The following ECPAS variants were observed in gnomAD, a reference collection of about 807,000 sequenced individuals.
The protein encoded by ECPAS is Ecm29 proteasome adaptor and scaffold.
In ECPAS, 70 loss-of-function variants were observed where a neutral mutation model predicts 255.1. That is an observed-to-expected ratio of 0.27 (90% CI 0.23 to 0.33). The LOEUF (loss-of-function observed/expected upper bound fraction) is 0.33, where lower values mean the gene tolerates loss of function less well. ECPAS is among the 10% of genes least tolerant of loss of function. ECPAS has a pLI of 1.00. For missense variants in ECPAS, 1,817 were observed against 2,206.4 expected (o/e 0.82, Z 3.54); for synonymous variants, 784 against 775.0 (o/e 1.01, Z -0.19).
At chr9:111,436,655 T>C (rs75252245) in intron 7 of ECPAS, among the ~76,000 whole-genome samples, 2,705 of 151,992 alleles carry the variant, frequency 0.018, 44 homozygotes, top group Non-Finnish European at 0.024. Context: ...TAAAAAAAAA[T>C]AAAATGACAA....
At chr9:111,424,624 A>G (rs1350710668) in intron 12 of ECPAS, among the ~76,000 whole-genome samples, 1 of 152,210 alleles carries the variant, frequency 6.6e-6, no homozygotes, top group East Asian at 1.9e-4. Flanking sequence ...CATTTAGCTT[A>G]AGGAATCAAA....
chr9:111,480,422 T>G (rs1333995102), intron 1 of ECPAS, among the ~76,000 whole-genome samples: 1 of 150,624 alleles, frequency 6.6e-6, no homozygotes, highest in African/African-American at 2.4e-5. Context: ...CTCAGCCTCC[T>G]GAGTACCTGG....
At chr9:111,385,865 T>C (rs1286118793) in intron 32 of ECPAS, among the ~76,000 whole-genome samples, 1 of 152,206 alleles carries the variant, frequency 6.6e-6, no homozygotes, top group Non-Finnish European at 1.5e-5. Context: ...ACATAAACTA[T>C]GACAATTTAG....
rs1278908276 is a variant in ECPAS at position 111,391,738 on chromosome 9, T to A, written c.3161+18A>T. On this transcript the variant is annotated intron_variant, in intron 29 of 49. Coordinates refer to ENST00000684092, the MANE Select transcript of ECPAS (RefSeq NM_001364929.1). ...ATATTTAAAGATGTTTACCATTCAA[T>A]GGATTTAGCATACTTACCCATCTGG... 1 of 1,504,770 alleles carries A rather than the reference T, an allele frequency of 6.6e-7. No homozygotes were observed. The highest frequency in any genetic ancestry group is 9.2e-7 in the Non-Finnish European group (1 of 1,084,658). 93.2% of individuals were successfully genotyped at this position (1,504,770 alleles called of 1,614,324 possible).
intron 48 of ECPAS, 112 bp downstream of exon 48, chr9:111,366,127 C>G (rs2098120090): frequency 3.0e-6 from 2 of 676,536 alleles, no homozygotes; most frequent in South Asian, 3.7e-5. Context: ...TAGCAGAGTC[C>G]AGTAGCTATT....
At chr9:111,380,038 G>C (rs117489513) in intron 35 of ECPAS, among the ~76,000 whole-genome samples, 2 of 152,130 alleles carry the variant, frequency 1.3e-5, no homozygotes, top group Non-Finnish European at 2.9e-5. Context: ...ACCTACAATG[G>C]TAAGCCCTTT....
chr9:111,371,677 C>T lies in ECPAS; in HGVS notation c.4681G>A (p.Gly1561Arg), dbSNP rs1367783816. 2.5e-6 allele frequency: 4 copies of T among 1,613,708 alleles called. No homozygotes were observed. Among genetic ancestry groups the T allele is most frequent in the Non-Finnish European group, 1.7e-6 (2 of 1,179,822 alleles). Residue 1561 changes from glycine (G) to arginine (R), a missense_variant, in exon 43 of 50, where the codon GGA (glycine) becomes AGA (arginine). This residue lies in a region of ECPAS where 960 missense variants were observed against 1,179.0 expected (regional missense o/e 0.81). Coordinates refer to ENST00000684092, the MANE Select transcript of ECPAS (RefSeq NM_001364929.1). ...QTSSLVPPYL[G>R]MILTALLQGL... The stretch of plus-strand genomic sequence containing the variant: ...TGCAGCAATGCGGTCAGTATCATTC[C>T]GAGATATGGAGGTACTAGAGAGCTA...
chr9:111,466,290 C>A (rs1200171263), intron 2 of ECPAS, among the ~76,000 whole-genome samples: 1 of 151,714 alleles, frequency 6.6e-6, no homozygotes, highest in African/African-American at 2.4e-5. Context: ...AGTAAAAATA[C>A]AAAAATTAGC....
At chr9:111,434,684 G>A (rs2098235162) in intron 7 of ECPAS, among the ~76,000 whole-genome samples, 1 of 151,092 alleles carries the variant, frequency 6.6e-6, no homozygotes, top group South Asian at 2.1e-4. Context: ...CTGCCTCCTG[G>A]GTTCAAGCAA....
chr9:111,434,844 C>T (rs963585498), intron 7 of ECPAS, among the ~76,000 whole-genome samples: 4 of 150,142 alleles, frequency 2.7e-5, no homozygotes, highest in African/African-American at 9.8e-5. Context: ...GCGATCTGCC[C>T]AACATGGCCT....
chr9:111,372,366 G>A, intron 42 of ECPAS, 63 bp downstream of exon 42: 1 of 1,436,104 alleles, frequency 7.0e-7, no homozygotes, highest in Admixed American at 1.8e-5. Context: ...AATAACGAAT[G>A]CAAGTAAAAA....
chr9:111,460,746 C>T lies in ECPAS; in HGVS notation c.23-9191G>A, dbSNP rs115305581. Among the ~76,000 whole-genome samples, 518 of 152,220 alleles carry T rather than the reference C, an allele frequency of 3.4e-3. 5 individuals are homozygous for T. Among genetic ancestry groups the T allele is most frequent in the African/African-American group, 0.012 (495 of 41,542 alleles). On this transcript the variant is annotated intron_variant, in intron 2 of 49. Coordinates refer to ENST00000684092, the MANE Select transcript of ECPAS (RefSeq NM_001364929.1). ...TTAATCTAGGGAAAAATGTGTAAGA[C>T]CTCTACACAGAAAACTAAAATACAC... is the stretch of plus-strand genomic sequence containing the variant.
intron 2 of ECPAS, among the ~76,000 whole-genome samples, chr9:111,462,418 G>A (rs1208207970): frequency 6.6e-6 from 1 of 152,116 alleles, no homozygotes; most frequent in Non-Finnish European, 1.5e-5. Flanking sequence ...AACTGGAACT[G>A]CTAGAAAATG....
intron 7 of ECPAS, among the ~76,000 whole-genome samples, chr9:111,436,448 C>T (rs2098238305): frequency 6.6e-6 from 1 of 152,030 alleles, no homozygotes; most frequent in South Asian, 2.1e-4. Flanking sequence ...TTTTAAATTC[C>T]CAAGAAGTAA....
At chr9:111,425,635 G>A (rs2098220449) in intron 11 of ECPAS, 108 bp downstream of exon 11, 1 of 959,856 alleles carries the variant, frequency 1.0e-6, no homozygotes, top group African/African-American at 1.7e-5. Context: ...TTTTAAAGAT[G>A]AGCAAACATG....
At chr9:111,457,278 T>C (rs2098268067) in intron 2 of ECPAS, among the ~76,000 whole-genome samples, 1 of 152,094 alleles carries the variant, frequency 6.6e-6, no homozygotes, top group African/African-American at 2.4e-5. Context: ...CTTTTAGTTA[T>C]GAAAGGGGAG....
chr9:111,460,539 A>T (rs1429613627), intron 2 of ECPAS, among the ~76,000 whole-genome samples: 1 of 152,198 alleles, frequency 6.6e-6, no homozygotes, highest in Non-Finnish European at 1.5e-5. Flanking sequence ...AAGAAATAAT[A>T]TTTTCATTAT....
At chr9:111,422,249 T>C in intron 13 of ECPAS, 49 bp from the exon 14 acceptor site, 1 of 1,556,844 alleles carries the variant, frequency 6.4e-7, no homozygotes, top group South Asian at 1.1e-5. Context: ...TTCCAAGAGA[T>C]GAAAAAGGGA....
At chr9:111,427,160 GA>G (rs34971252) in intron 10 of ECPAS, among the ~76,000 whole-genome samples, 2,147 of 139,634 alleles carry the variant, frequency 0.015, 28 homozygotes, top group Non-Finnish European at 0.024. Context: ...CCCTGTCTCA[GA>G]AAAAAAAAAA....
Sources: allele counts gnomAD v4.1 joint callset (sites outside exome capture counted in the v4.1 genomes callset), GRCh38; gene constraint gnomAD v4.1.1; regional missense constraint gnomAD v4.1.1; transcripts MANE v1.5; gene names NCBI Gene and HGNC (gene_info 2026-07-23, HGNC 2026-07-21).